The following ATP10B variants were observed in gnomAD, a reference collection of about 807,000 sequenced individuals.
ATP10B encodes phospholipid-transporting ATPase VB.
ATP10B carries 122 observed loss-of-function variants against 141.2 expected under a neutral mutation model. The ratio of observed to expected loss-of-function variants is 0.86; its 90% CI spans 0.75 to 1.00. The LOEUF (loss-of-function observed/expected upper bound fraction) is 1.00, where lower values mean the gene tolerates loss of function less well. Ranked by LOEUF, ATP10B falls within the 50% of genes least tolerant of loss-of-function variation. ATP10B has a pLI of 0.00. For missense variants in ATP10B, 1,876 were observed against 1,825.3 expected (o/e 1.03, Z -0.51); for synonymous variants, 685 against 692.0 (o/e 0.99, Z 0.16).
At chr5:160,729,980 G>A (rs962125102) in intron 2 of ATP10B, among the ~76,000 whole-genome samples, 2 of 152,044 alleles carry the variant, frequency 1.3e-5, no homozygotes, top group Non-Finnish European at 1.5e-5. Context: ...TTGGAACCTG[G>A]GGTTCCTTGA....
At chr5:160,644,856 G>C (rs945945238) in intron 8 of ATP10B, among the ~76,000 whole-genome samples, 1 of 152,180 alleles carries the variant, frequency 6.6e-6, no homozygotes, top group Non-Finnish European at 1.5e-5. Flanking sequence ...AGTGGCTCAA[G>C]CCTGTAATCT....
intron 1 of ATP10B, among the ~76,000 whole-genome samples, chr5:160,844,647 G>C (rs1018191540): frequency 2.0e-5 from 3 of 151,886 alleles, no homozygotes; most frequent in Non-Finnish European, 4.4e-5. Flanking sequence ...CCGGGTTCAA[G>C]TGATTCTCCT....
Position 160,592,496 on chromosome 5 carries a change from G to A in ATP10B, c.3565-1357C>T, listed in dbSNP as rs555979484. 1.1e-4 allele frequency among the ~76,000 whole-genome samples: 16 copies of A among 152,340 alleles called. No homozygotes were observed. In the South Asian group the frequency reaches 1.2e-3, roughly 12 times the overall value. On this transcript the variant is annotated intron_variant, in intron 22 of 25. Transcript: ENST00000327245. ...TCCCAGCATGAGCGACACAGAAGAC[G>A]GGTGATTTCTGCATTTCCATCTGAG...
chr5:160,654,843 A>C (rs1222414879), intron 7 of ATP10B, among the ~76,000 whole-genome samples: 1 of 152,200 alleles, frequency 6.6e-6, no homozygotes, highest in African/African-American at 2.4e-5. Context: ...CAATAATTCT[A>C]TCAGGTAGGT....
At chr5:160,856,971 T>A (rs1289648882), upstream of ATP10B, among the ~76,000 whole-genome samples, 2 of 151,842 alleles carry the variant, frequency 1.3e-5, no homozygotes, top group Admixed American at 6.6e-5. Context: ...TTTTCTAATA[T>A]TTTGTTAATA....
chr5:160,676,030 C>T (rs1763012423), intron 6 of ATP10B, among the ~76,000 whole-genome samples: 1 of 152,162 alleles, frequency 6.6e-6, no homozygotes, highest in Non-Finnish European at 1.5e-5. Flanking sequence ...AGCTGAATGG[C>T]ATGGTCACTG....
intron 11 of ATP10B, 120 bp downstream of exon 11, chr5:160,636,059 TCTC>T: frequency 1.8e-6 from 2 of 1,111,676 alleles, no homozygotes; most frequent in South Asian, 2.1e-5. Flanking sequence ...GCGATGACCA[TCTC>T]CTCATCTCAA....
chr5:160,818,334 GC>G (rs1435133562), intron 1 of ATP10B, among the ~76,000 whole-genome samples: 23 of 152,166 alleles, frequency 1.5e-4, no homozygotes, highest in Non-Finnish European at 7.3e-5. Context: ...CAAAAAGTGG[GC>G]AAAGGATATG....
intron 21 of ATP10B, among the ~76,000 whole-genome samples, 176 bp downstream of exon 21, chr5:160,602,401 G>A (rs767465301): frequency 2.0e-5 from 3 of 152,190 alleles, no homozygotes; most frequent in Non-Finnish European, 4.4e-5. Context: ...AAAATAGAAA[G>A]TGAAGAGTCT....
chr5:160,648,281 C>T (rs1220713044), intron 8 of ATP10B, among the ~76,000 whole-genome samples: 1 of 152,060 alleles, frequency 6.6e-6, no homozygotes, highest in Non-Finnish European at 1.5e-5. Context: ...TGAACATGGC[C>T]CAACACAAAT....
At chr5:160,880,324 A>G in the ATP10B span, among the ~76,000 whole-genome samples, 44 of 150,848 alleles carry the variant, frequency 2.9e-4, no homozygotes, top group Middle Eastern at 0.01. Flanking sequence ...AAATGAAGAG[A>G]TATTTCATGG....
At chr5:160,834,825 C>A (rs1186050572) in intron 1 of ATP10B, among the ~76,000 whole-genome samples, 1 of 152,034 alleles carries the variant, frequency 6.6e-6, no homozygotes, top group Admixed American at 6.6e-5. Flanking sequence ...TCCTTGAGGA[C>A]TGAGGATCTG....
chr5:160,608,404 C>T (rs1757523308), intron 18 of ATP10B, among the ~76,000 whole-genome samples: 1 of 152,162 alleles, frequency 6.6e-6, no homozygotes, highest in Non-Finnish European at 1.5e-5. Context: ...ATGCATATGT[C>T]TTTATAGTCG....
At chr5:160,759,033 T>C (rs1033893592) in intron 2 of ATP10B, among the ~76,000 whole-genome samples, 6 of 152,182 alleles carry the variant, frequency 3.9e-5, no homozygotes, top group African/African-American at 1.4e-4. Flanking sequence ...TTCAAAATAA[T>C]AATAAACTCA....
At chr5:160,917,272 T>G in the ATP10B span, among the ~76,000 whole-genome samples, 3 of 137,398 alleles carry the variant, frequency 2.2e-5, no homozygotes, top group Admixed American at 1.4e-4. Context: ...GGTACTTCTT[T>G]TTTTTTTTTT....
intron 2 of ATP10B, among the ~76,000 whole-genome samples, chr5:160,775,066 G>GTTTGACTCC (rs1485645981): frequency 1.3e-5 from 2 of 152,224 alleles, no homozygotes; most frequent in African/African-American, 4.8e-5. Context: ...ACTGAAGTTT[G>GTTTGACTCC]TTTGACTCCT....
intron 2 of ATP10B, among the ~76,000 whole-genome samples, chr5:160,758,518 A>C (rs1768799287): frequency 6.6e-6 from 1 of 152,196 alleles, no homozygotes; most frequent in South Asian, 2.1e-4. Context: ...TGCTTATCTG[A>C]CTGATCAAAA....
chr5:160,920,891 G>T, the ATP10B span, among the ~76,000 whole-genome samples: 8 of 152,312 alleles, frequency 5.3e-5, no homozygotes, highest in African/African-American at 1.9e-4. Context: ...CTAGGGCGTA[G>T]TCAAAGTTGA....
At chr5:160,855,418 T>A (rs554787996), upstream of ATP10B, among the ~76,000 whole-genome samples, 59 of 152,180 alleles carry the variant, frequency 3.9e-4, no homozygotes, top group Middle Eastern at 6.8e-3. Context: ...TTCTCAGTTA[T>A]ATATTTTGTT....
Sources: allele counts gnomAD v4.1 joint callset (sites outside exome capture counted in the v4.1 genomes callset), GRCh38; gene constraint gnomAD v4.1.1; transcripts MANE v1.5; gene names NCBI Gene and HGNC (gene_info 2026-07-23, HGNC 2026-07-21).